Variants in IGF2R observed in about 807,000 individuals in gnomAD.
IGF2R encodes the protein insulin like growth factor 2 receptor.
Under a neutral mutation model 270.6 loss-of-function variants are expected in IGF2R, and 91 were observed. That is an observed-to-expected ratio of 0.34 (90% CI 0.28 to 0.40). The LOEUF (loss-of-function observed/expected upper bound fraction) is 0.40, where lower values mean the gene tolerates loss of function less well. Among genes scored for constraint, IGF2R ranks in the 10% least tolerant of loss-of-function variants. IGF2R has a pLI of 1.00. For missense variants in IGF2R, 2,805 were observed against 3,188.3 expected (o/e 0.88, Z 2.90); for synonymous variants, 1,316 against 1,258.9 (o/e 1.05, Z -0.96).
chr6:160,051,125 G>C (rs1008383254), intron 19 of IGF2R, among the ~76,000 whole-genome samples: 1 of 152,176 alleles, frequency 6.6e-6, no homozygotes, highest in Non-Finnish European at 1.5e-5. Flanking sequence ...ATAAATAGCA[G>C]GAGAAAGATG....
In IGF2R at chr6:160,017,632, A is replaced by G. The variant is rs147231416; in HGVS notation, c.513+6847A>G. On this transcript the variant is annotated intron_variant, in intron 4 of 47. Coordinates refer to ENST00000356956, the MANE Select transcript of IGF2R (RefSeq NM_000876.4). ...GAAAAGTATCTAATCACCTATAAAG[A>G]AAATCCCATCAAACTAATAGGGGAC... Among the ~76,000 whole-genome samples the G allele has an allele frequency of 3.3e-3, 510 of 152,298 alleles. 1 individual carries two copies. The highest frequency in any genetic ancestry group is 0.011 in the African/African-American group (477 of 41,564).
chr6:160,071,317 T>C (rs73023686), intron 31 of IGF2R, among the ~76,000 whole-genome samples: 13,304 of 132,380 alleles, frequency 0.1, 969 homozygotes, highest in Middle Eastern at 0.16. Context: ...GCCCAGGGCC[T>C]GGGAGGCTGG....
intron 44 of IGF2R, chr6:160,094,972 G>A (rs1357704359): frequency 6.6e-6 from 1 of 151,646 alleles, no homozygotes; most frequent in Non-Finnish European, 1.5e-5. Flanking sequence ...ACTTCTCTCG[G>A]GAGTATGAGA....
intron 1 of IGF2R, 52 bp downstream of exon 1, chr6:159,969,447 G>A: frequency 8.6e-7 from 1 of 1,162,590 alleles, no homozygotes; most frequent in Non-Finnish European, 1.1e-6. Context: ...GGGGTGAGCG[G>A]CCGGCGTGGG....
intron 45 of IGF2R, among the ~76,000 whole-genome samples, chr6:160,098,767 C>T (rs564919381): frequency 1.8e-4 from 27 of 152,132 alleles, no homozygotes; most frequent in African/African-American, 5.3e-4. Flanking sequence ...TGCAGTGAGC[C>T]GAGATGGCGT....
chr6:159,992,846 A>G (rs962719167), intron 2 of IGF2R, among the ~76,000 whole-genome samples: 3 of 152,170 alleles, frequency 2.0e-5, no homozygotes, highest in Non-Finnish European at 2.9e-5. Context: ...ACTGTTTTCC[A>G]TAGAGGACAT....
In IGF2R at chr6:160,085,104, G is replaced by A. The variant is rs780584809; in HGVS notation, c.6178G>A (p.Val2060Ile). 5.0e-6 allele frequency: 8 copies of A among 1,613,776 alleles called. No homozygotes were observed. In the South Asian group the frequency reaches 5.5e-5, roughly 11 times the overall value. ...TTGDVQVLGL[V>I]HTQKLGVIGD... Reference sequence around the variant, plus strand: ...TGGTGACGTCCAGGTCCTGGGACTCGTTCACACGCAGAAGCTGGGTGTCAT... The same window carrying A: ...TGGTGACGTCCAGGTCCTGGGACTCATTCACACGCAGAAGCTGGGTGTCAT... The change falls in exon 41 of 48, where the codon GTT becomes ATT. Residue 2060 changes from valine (V) to isoleucine (I), a missense_variant. Val to Ile is a conservative substitution (Grantham distance 29). Transcript: ENST00000356956.
chr6:159,992,190 TTA>T (rs1783989062), intron 2 of IGF2R, among the ~76,000 whole-genome samples: 1 of 152,234 alleles, frequency 6.6e-6, no homozygotes, highest in Admixed American at 6.5e-5. Context: ...GGAGAGAAGC[TTA>T]CTGTGGTAGC....
chr6:160,073,020 C>A lies in IGF2R; in HGVS notation c.4690+136C>A. The A allele has an allele frequency of 5.0e-6, 7 of 1,387,096 alleles. 1 individual carries two copies. Among genetic ancestry groups the A allele is most frequent in the African/African-American group, 1.4e-5 (1 of 69,332 alleles). 85.9% of individuals were successfully genotyped at this position (1,387,096 alleles called of 1,614,324 possible). On this transcript the variant is annotated intron_variant, in intron 33 of 47. Coordinates refer to ENST00000356956, the MANE Select transcript of IGF2R (RefSeq NM_000876.4). Reference sequence around the variant, plus strand: ...ACGCTTTTGTCTCCTGCAGCAGTCACCCCATGTGGGGGACACATGGTCATG... The same window carrying A: ...ACGCTTTTGTCTCCTGCAGCAGTCAACCCATGTGGGGGACACATGGTCATG...
At position 160,072,289 on chromosome 6, in the gene IGF2R, G is replaced by A. The variant is rs573816753; in HGVS notation, c.4570+253G>A. ...TCCTGTCACTCTCCTGGTGTGAGAG[G>A]TGCTCCTGACTGGGGTTACTGACAG... On this transcript the variant is annotated intron_variant, in intron 32 of 47. Coordinates refer to ENST00000356956, the MANE Select transcript of IGF2R (RefSeq NM_000876.4). 5.9e-5 allele frequency among the ~76,000 whole-genome samples: 9 copies of A among 152,212 alleles called. No homozygotes were observed. In the South Asian group the frequency reaches 8.3e-4, roughly 14 times the overall value.
chr6:160,021,289 T>G (rs1777427515), intron 4 of IGF2R, among the ~76,000 whole-genome samples: 2 of 151,972 alleles, frequency 1.3e-5, no homozygotes, highest in Admixed American at 1.3e-4. Context: ...TCATGTCCTT[T>G]GTAGGGACAT....
At chr6:160,056,644 G>A in intron 20 of IGF2R, 119 bp downstream of exon 20, 1 of 718,916 alleles carries the variant, frequency 1.4e-6, no homozygotes, top group Non-Finnish European at 2.5e-6. Flanking sequence ...TTACTATGTT[G>A]CATTGACAAT....
At chr6:160,103,679 C>T (rs552706097) in intron 46 of IGF2R, 67 bp from the exon 47 acceptor site, 30 of 1,085,924 alleles carry the variant, frequency 2.8e-5, no homozygotes, top group East Asian at 4.9e-5. Context: ...GTGGGGCTGG[C>T]GGGGGTGGGG....
chr6:160,026,015 C>T (rs1405593107), intron 5 of IGF2R, among the ~76,000 whole-genome samples: 1 of 152,184 alleles, frequency 6.6e-6, no homozygotes, highest in East Asian at 1.9e-4. Context: ...AGACATTCTC[C>T]ATTCCCAGGA....
rs1283259009 is a variant in IGF2R, at chr6:160,050,535, T to G, written c.2577T>G (p.Val859=). 1.2e-6 allele frequency: 2 copies of G among 1,614,078 alleles called. No individual in the cohort carries two copies. The highest frequency in any genetic ancestry group is 1.7e-6 in the Non-Finnish European group (2 of 1,179,966). The change falls in exon 19 of 48, where the codon GTT becomes GTG. Residue 859 remains valine (V), a synonymous_variant. Coordinates refer to ENST00000356956, the MANE Select transcript of IGF2R (RefSeq NM_000876.4). The surrounding 1 kb of genome is among the most constrained non-coding windows in gnomAD (Gnocchi z 4.0). The part of the protein sequence containing the change: ...NLGMAKTGPV[V]EDSGSLLLEY... ...GAATGGCAAAGACCGGCCCGGTGGT[T>G]GAGGACAGCGGCAGCCTCCTTCTGG... is the stretch of plus-strand genomic sequence containing the variant.
chr6:159,972,320 A>G (rs987054514), intron 1 of IGF2R, among the ~76,000 whole-genome samples: 9 of 152,340 alleles, frequency 5.9e-5, no homozygotes, highest in Non-Finnish European at 8.8e-5. Flanking sequence ...CCAAATGTAC[A>G]GAAGGATCAC....
chr6:159,990,335 T>G (rs887596000), intron 1 of IGF2R, among the ~76,000 whole-genome samples: 1 of 152,176 alleles, frequency 6.6e-6, no homozygotes, highest in Non-Finnish European at 1.5e-5. Context: ...TGGGGGCGGT[T>G]ACCCTTATGC....
chr6:160,042,023 A>G (rs1346962865), intron 11 of IGF2R, among the ~76,000 whole-genome samples: 1 of 151,698 alleles, frequency 6.6e-6, no homozygotes, highest in African/African-American at 2.4e-5. Context: ...ATTACTGTGT[A>G]TAAGAGACAA....
In IGF2R at chr6:160,040,574, G is replaced by A; in HGVS notation, c.1330G>A (p.Gly444Arg). ...CNKTAGNDGKGTPVFTGEVDC... is the reference protein window; with the variant it reads ...CNKTAGNDGKRTPVFTGEVDC... ...GAATTGTGCAGGTAACGATGGGAAA[G>A]GAACTCCTGTATTCACAGGGGAGGT... The change falls in exon 11 of 48, where the codon GGA becomes AGA. Residue 444 changes from glycine to arginine, a missense_variant. Coordinates refer to ENST00000356956, the MANE Select transcript of IGF2R (RefSeq NM_000876.4). 2.5e-6 allele frequency: 4 copies of A among 1,614,032 alleles called. No individual in the cohort carries two copies. Among genetic ancestry groups the A allele is most frequent in the Non-Finnish European group, 3.4e-6 (4 of 1,179,886 alleles).
Sources: gnomAD v4.1 joint callset for allele counts (sites outside exome capture counted in the v4.1 genomes callset) on GRCh38, gnomAD v4.1.1 for gene constraint, Gnocchi (gnomAD v3.1) non-coding constraint, MANE v1.5 for transcripts, NCBI Gene and HGNC (gene_info 2026-07-23, HGNC 2026-07-21) for gene names.